Variants in DPP6 observed in about 807,000 individuals in gnomAD.
DPP6 encodes dipeptidyl peptidase like 6.
Under a neutral mutation model 122.6 loss-of-function variants are expected in DPP6, and 69 were observed. The observed-to-expected ratio is 0.56, with a 90% CI of 0.46 to 0.69. The LOEUF (loss-of-function observed/expected upper bound fraction) is 0.69. Among genes scored for constraint, DPP6 ranks in the 30% least tolerant of loss-of-function variants. The pLI is 0.00. For synonymous variants in DPP6, 418 were observed against 433.1 expected (o/e 0.97, Z 0.43); for missense variants, 928 against 1,116.9 (o/e 0.83, Z 2.41).
intron 5 of DPP6, among the ~76,000 whole-genome samples, chr7:154,575,691 G>A (rs957462159): frequency 7.0e-6 from 1 of 142,896 alleles, no homozygotes; most frequent in African/African-American, 2.6e-5. Flanking sequence ...TGTGGTGTGT[G>A]TATGTGGTGT....
intron 1 of DPP6, among the ~76,000 whole-genome samples, chr7:154,327,529 T>C (rs1212585427): frequency 6.6e-6 from 1 of 152,196 alleles, no homozygotes; most frequent in Non-Finnish European, 1.5e-5. Flanking sequence ...TATCAATCTC[T>C]AATTTTACTT....
intron 1 of DPP6, among the ~76,000 whole-genome samples, chr7:153,937,405 T>G (rs1279306026): frequency 6.6e-6 from 1 of 151,670 alleles, no homozygotes; most frequent in Non-Finnish European, 1.5e-5. Context: ...TTCAATTTGT[T>G]CTTTTGTGTT....
At chr7:153,969,286 T>TC in intron 1 of DPP6, among the ~76,000 whole-genome samples, 1 of 148,566 alleles carries the variant, frequency 6.7e-6, no homozygotes, top group Non-Finnish European at 1.5e-5. Context: ...ATTTTTTTTT[T>TC]CTTGAATAAA....
At chr7:154,733,824 C>T (rs1842452106) in intron 8 of DPP6, among the ~76,000 whole-genome samples, 1 of 152,186 alleles carries the variant, frequency 6.6e-6, no homozygotes, top group African/African-American at 2.4e-5. Context: ...ATCCAGATTC[C>T]CATAAACTCT....
At chr7:154,414,317 G>T (rs1448516671) in intron 1 of DPP6, among the ~76,000 whole-genome samples, 1 of 152,170 alleles carries the variant, frequency 6.6e-6, no homozygotes, top group African/African-American at 2.4e-5. Flanking sequence ...CAATCATGGG[G>T]TTTAATTTAA....
chr7:153,849,381 C>T, the DPP6 span, among the ~76,000 whole-genome samples: 3 of 151,794 alleles, frequency 2.0e-5, no homozygotes, highest in Admixed American at 6.6e-5. Context: ...CTGAAGATGT[C>T]GTCCTTGCTG....
chr7:154,138,585 A>T (rs528080775), intron 1 of DPP6, among the ~76,000 whole-genome samples: 5 of 152,068 alleles, frequency 3.3e-5, no homozygotes, highest in Admixed American at 3.3e-4. Context: ...GTGAGACTCA[A>T]TATTTATTCT....
Position 154,157,953 on chromosome 7 carries a change from A to T in DPP6, c.243+104890A>T, listed in dbSNP as rs529037867. The stretch of plus-strand genomic sequence containing the variant: ...CATCTCAAAAAAAATATATACATAT[A>T]TATGTACATATATATATGTATATAA... On this transcript the variant is annotated intron_variant, in intron 1 of 25. Transcript: ENST00000377770. 4.7e-5 allele frequency among the ~76,000 whole-genome samples: 7 copies of T among 148,616 alleles called. No individual in the cohort carries two copies. In the East Asian group the frequency reaches 1.4e-3, roughly 29 times the overall value.
intron 1 of DPP6, among the ~76,000 whole-genome samples, chr7:154,429,843 C>T (rs527542256): frequency 5.0e-4 from 76 of 152,260 alleles, no homozygotes; most frequent in African/African-American, 1.7e-3. Flanking sequence ...CAATGCAGGT[C>T]GCGCTCGTCA....
intron 16 of DPP6, among the ~76,000 whole-genome samples, chr7:154,814,849 C>A (rs1799312795): frequency 6.6e-6 from 1 of 152,096 alleles, no homozygotes; most frequent in African/African-American, 2.4e-5. Flanking sequence ...TGTGGTCTTC[C>A]CCCTCTGTCT....
intron 1 of DPP6, among the ~76,000 whole-genome samples, chr7:153,964,807 CTTTCCTTTCCTTTCCTTTCCTTTTCCT>C (rs1795559805): frequency 1.9e-5 from 1 of 52,078 alleles, no homozygotes; most frequent in Non-Finnish European, 3.2e-5. Context: ...CTTTCCTTTC[CTTTCCTTTCCTTTCCTTTCCTTTTCCT>C]TTTCCTTTTC....
chr7:154,697,581 G>A (rs936165464), intron 7 of DPP6, among the ~76,000 whole-genome samples: 3 of 152,246 alleles, frequency 2.0e-5, no homozygotes, highest in Non-Finnish European at 4.4e-5. Flanking sequence ...GTTTGGCAGA[G>A]GTCACATGGA....
chr7:154,510,936 GCACA>G (rs3056506), intron 3 of DPP6, among the ~76,000 whole-genome samples: 38,956 of 144,810 alleles, frequency 0.27, 5,522 homozygotes, highest in Admixed American at 0.34. Context: ...ACACACACAT[GCACA>G]CACACACACA....
the DPP6 span, among the ~76,000 whole-genome samples, chr7:153,785,627 G>T: frequency 2.0e-5 from 3 of 152,002 alleles, no homozygotes; most frequent in Admixed American, 6.5e-5. Flanking sequence ...TTCCCTCATT[G>T]GGAAATGGGT....
intron 7 of DPP6, among the ~76,000 whole-genome samples, chr7:154,711,134 A>G (rs1275237449): frequency 1.3e-5 from 2 of 152,250 alleles, no homozygotes; most frequent in South Asian, 2.1e-4. Context: ...TAATGTGTCA[A>G]TTAAAGAAAC....
intron 6 of DPP6, among the ~76,000 whole-genome samples, chr7:154,646,027 CAA>C (rs71184020): frequency 3.5e-5 from 2 of 57,940 alleles, no homozygotes; most frequent in East Asian, 6.1e-4. Flanking sequence ...GACTCCGTCT[CAA>C]AAAAAAAAAA....
rs1053458089 is a variant in DPP6 at position 154,724,076 on chromosome 7, G to A, written c.763-3691G>A. 3.3e-5 allele frequency among the ~76,000 whole-genome samples: 5 copies of A among 152,164 alleles called. 1 individual carries two copies. The highest frequency in any genetic ancestry group is 3.3e-4 in the Admixed American group (5 of 15,282). ...ATTTGGCTGCATATTGTAATCACCT[G>A]GGATGTTTCTTTAAAATGCTGATGC... On this transcript the variant is annotated intron_variant, in intron 7 of 25. Coordinates refer to ENST00000377770, the MANE Select transcript of DPP6 (RefSeq NM_130797.4).
At chr7:154,343,665 C>T (rs565793560) in intron 1 of DPP6, among the ~76,000 whole-genome samples, 141 of 152,378 alleles carry the variant, frequency 9.3e-4, no homozygotes, top group African/African-American at 3.3e-3. Context: ...ACTGCACCCT[C>T]TGCCTCCTGG....
At chr7:154,882,893 G>T (rs7779754) in intron 21 of DPP6, among the ~76,000 whole-genome samples, 1 of 151,980 alleles carries the variant, frequency 6.6e-6, no homozygotes, top group Non-Finnish European at 1.5e-5. Flanking sequence ...CGGAACGATC[G>T]TGCAGGTCAT....
Sources: allele counts gnomAD v4.1 joint callset (sites outside exome capture counted in the v4.1 genomes callset), GRCh38; gene constraint gnomAD v4.1.1; transcripts MANE v1.5; gene names NCBI Gene and HGNC (gene_info 2026-07-23, HGNC 2026-07-21).